ETFBKMT: variants seen among roughly 807,000 people sequenced by gnomAD.
ETFBKMT encodes electron transfer flavoprotein beta subunit lysine methyltransferase.
Under a neutral mutation model 18.3 loss-of-function variants are expected in ETFBKMT, and 13 were observed. The ratio of observed to expected loss-of-function variants is 0.71; its 90% confidence interval spans 0.46 to 1.13. The LOEUF is 1.13. Among genes scored for constraint, ETFBKMT ranks in the 50% most tolerant of loss-of-function variants. The pLI is 0.00. For missense variants in ETFBKMT, 293 were observed against 306.2 expected (o/e 0.96, Z 0.32); for synonymous variants, 84 against 107.9 (o/e 0.78, Z 1.37).
rs888571635 is a variant in ETFBKMT, at chr12:31,673,110, T to C, written c.*5120T>C. 1.3e-5 allele frequency: 2 copies of C among 152,238 alleles called. No homozygotes were observed. The highest frequency in any genetic ancestry group is 4.8e-5 in the African/African-American group (2 of 41,460). The allele number at this position is 152,238 out of a possible 1,614,324, so 9.4% of individuals were successfully genotyped here. A position where few individuals can be genotyped will look rare whatever the true frequency, so the allele number is the denominator to read the frequency against. ...ATCTGAATTAAAGCAAAAATACTGATAAAATTTTGTTAGTTTAAATATTAC... is the reference window on the plus strand; with the variant it reads ...ATCTGAATTAAAGCAAAAATACTGACAAAATTTTGTTAGTTTAAATATTAC... On this transcript the variant is annotated 3_prime_UTR_variant, in exon 4 of 4. Transcript: ENST00000357721.
chr12:31,667,368 A>G (rs1392514805), intron 3 of ETFBKMT, among the ~76,000 whole-genome samples: 1 of 152,052 alleles, frequency 6.6e-6, no homozygotes, highest in Non-Finnish European at 1.5e-5. Context: ...CAGTAAAAAA[A>G]CAAAATCTTT....
intron 1 of ETFBKMT, among the ~76,000 whole-genome samples, chr12:31,650,642 T>C (rs1054131438): frequency 6.6e-6 from 1 of 150,646 alleles, no homozygotes; most frequent in South Asian, 2.1e-4. Context: ...TTTTTTTTTT[T>C]AAAGAATCAC....
intron 1 of ETFBKMT, among the ~76,000 whole-genome samples, chr12:31,660,507 A>T (rs1951109488): frequency 6.6e-6 from 1 of 152,074 alleles, no homozygotes; most frequent in Non-Finnish European, 1.5e-5. Flanking sequence ...ATTTATTCTA[A>T]TCCGGGTGTT....
At position 31,669,403 on chromosome 12, in the gene ETFBKMT, T is replaced by C. The variant is rs2139634132; in HGVS notation, c.*1413T>C. Reference sequence around the variant, plus strand: ...TGCTTTCAGCTTTTCTTTTGTCACTTTGGTGAGACAGGAAGGCTAGAGGCA... The same window carrying C: ...TGCTTTCAGCTTTTCTTTTGTCACTCTGGTGAGACAGGAAGGCTAGAGGCA... On this transcript the variant is annotated 3_prime_UTR_variant, in exon 4 of 4. Coordinates refer to ENST00000357721, the MANE Select transcript of ETFBKMT (RefSeq NM_001135863.2). 6.6e-6 allele frequency: 1 copy of C among 152,398 alleles called. No individual in the cohort carries two copies. Among genetic ancestry groups the C allele is most frequent in the Non-Finnish European group, 1.5e-5 (1 of 68,060 alleles). The allele number at this position is 152,398 out of a possible 1,614,324, so 9.4% of individuals were successfully genotyped here.
rs10843994 is a variant in ETFBKMT, at chr12:31,670,284, G to A, written c.*2294G>A. The A allele has an allele frequency of 0.23, 35,211 of 152,106 alleles. 4,306 individuals carry two copies. The highest frequency in any genetic ancestry group is 0.27 in the Admixed American group (4,166 of 15,284). 9.4% of individuals were successfully genotyped at this position (152,106 alleles called of 1,614,324 possible). ...GTAAGCTATGGTTCTTTGTATTTGCGTTTCTAATTTGTGAGGCATTCTCTC... is the reference window on the plus strand; with the variant it reads ...GTAAGCTATGGTTCTTTGTATTTGCATTTCTAATTTGTGAGGCATTCTCTC... On this transcript the variant is annotated 3_prime_UTR_variant, in exon 4 of 4. Coordinates refer to ENST00000357721, the MANE Select transcript of ETFBKMT (RefSeq NM_001135863.2).
chr12:31,654,740 G>C (rs548127277), upstream of ETFBKMT, among the ~76,000 whole-genome samples: 3 of 152,278 alleles, frequency 2.0e-5, no homozygotes, highest in East Asian at 5.8e-4. Flanking sequence ...GCGACAGAAA[G>C]CCAAGAATGG....
At chr12:31,654,777 C>T (rs955308414), upstream of ETFBKMT, among the ~76,000 whole-genome samples, 7 of 152,028 alleles carry the variant, frequency 4.6e-5, no homozygotes, top group African/African-American at 1.2e-4. Context: ...AAGGACTGGA[C>T]GGGTGCCGTG....
At position 31,669,139 on chromosome 12, in the gene ETFBKMT, T is replaced by C. The variant is rs545664437; in HGVS notation, c.*1149T>C. The C allele has an allele frequency of 2.0e-5, 3 of 152,340 alleles. No homozygotes were observed. The highest frequency in any genetic ancestry group is 7.2e-5 in the African/African-American group (3 of 41,570). The allele number at this position is 152,340 out of a possible 1,614,324, so 9.4% of individuals were successfully genotyped here. A position where few individuals can be genotyped will look rare whatever the true frequency, so the allele number is the denominator to read the frequency against. On this transcript the variant is annotated 3_prime_UTR_variant, in exon 4 of 4. Transcript: ENST00000357721. ...CTACTGTTTGCTGTAGAGTAGATATTACAGGCTAAATTTTCCTCTAGTGTC... is the reference window on the plus strand; with the variant it reads ...CTACTGTTTGCTGTAGAGTAGATATCACAGGCTAAATTTTCCTCTAGTGTC...
chr12:31,648,841 G>A lies in ETFBKMT; in HGVS notation c.-114+1586G>A, dbSNP rs371508628. Among the ~76,000 whole-genome samples the A allele has an allele frequency of 4.0e-4, 60 of 151,800 alleles. 1 individual carries two copies. Among genetic ancestry groups the A allele is most frequent in the East Asian group, 3.5e-3 (18 of 5,138 alleles). ...CTCCCAAAGTGCTGGGATTACAGGC[G>A]TGAGCCACCGCGCCCAGCCCTGTGA... is the stretch of plus-strand genomic sequence containing the variant. On this transcript the variant is annotated intron_variant, in intron 1 of 3. Transcript: ENST00000412352.
upstream of ETFBKMT, among the ~76,000 whole-genome samples, chr12:31,657,624 T>G (rs945011489): frequency 1.3e-5 from 2 of 151,838 alleles, no homozygotes; most frequent in Non-Finnish European, 2.9e-5. Context: ...AAACCCCGTC[T>G]CTACTAAAAA....
At position 31,651,686 on chromosome 12, in the gene ETFBKMT, T is replaced by C. The variant is rs528639255; in HGVS notation, c.-114+4431T>C. On this transcript the variant is annotated intron_variant, in intron 1 of 3. Transcript: ENST00000412352. ...AACCCTTATCTCCAGAGACTGGGAA[T>C]TGATGCTACAATGGACCTATACAGA... 3.9e-4 allele frequency among the ~76,000 whole-genome samples: 60 copies of C among 152,250 alleles called. 1 individual carries two copies. Among genetic ancestry groups the C allele is most frequent in the Non-Finnish European group, 6.8e-4 (46 of 68,022 alleles).
At chr12:31,650,182 G>A (rs1208176401) in intron 1 of ETFBKMT, among the ~76,000 whole-genome samples, 4 of 148,144 alleles carry the variant, frequency 2.7e-5, no homozygotes, top group South Asian at 2.1e-4. Flanking sequence ...ATAGGAGGTC[G>A]CTGTAAAGAC....
chr12:31,664,908 C>T (rs113256090), intron 2 of ETFBKMT, among the ~76,000 whole-genome samples: 43 of 150,114 alleles, frequency 2.9e-4, no homozygotes, highest in African/African-American at 1.0e-3. Context: ...GCCACCACAC[C>T]TGGCCATTTA....
In ETFBKMT at chr12:31,668,085, A is replaced by G; in HGVS notation, c.*95A>G. ...AGATACTCTCCAGTTTAATGAATGTAATTCTTGTTAAATGGAAAATCTTGT... is the reference window on the plus strand; with the variant it reads ...AGATACTCTCCAGTTTAATGAATGTGATTCTTGTTAAATGGAAAATCTTGT... On this transcript the variant is annotated 3_prime_UTR_variant, in exon 4 of 4. Coordinates refer to ENST00000357721, the MANE Select transcript of ETFBKMT (RefSeq NM_001135863.2). 1.0e-6 allele frequency: 1 copy of G among 960,308 alleles called. No individual in the cohort carries two copies. 59.5% of individuals were successfully genotyped at this position (960,308 alleles called of 1,614,324 possible). A position where few individuals can be genotyped will look rare whatever the true frequency, so the allele number is the denominator to read the frequency against.
Position 31,666,127 on chromosome 12 carries a change from G to A in ETFBKMT, c.355G>A (p.Val119Ile). The change falls in exon 3 of 4, where the codon GTA becomes ATA. Residue 119 changes from valine (V) to isoleucine (I), a missense_variant. By Grantham distance (29) the Val-to-Ile change is conservative. Coordinates refer to ENST00000357721, the MANE Select transcript of ETFBKMT (RefSeq NM_001135863.2). ...TCCTGATGTTGTCAGAGGAAAATCTGTATTAGATCTTGGGAGTGGATGTGG... is the reference window on the plus strand; with the variant it reads ...TCCTGATGTTGTCAGAGGAAAATCTATATTAGATCTTGGGAGTGGATGTGG... ...DNPDVVRGKS[V>I]LDLGSGCGAT... The A allele has an allele frequency of 6.2e-7, 1 of 1,613,692 alleles. No homozygotes were observed. Among genetic ancestry groups the A allele is most frequent in the Admixed American group, 1.7e-5 (1 of 59,972 alleles).
intron 2 of ETFBKMT, among the ~76,000 whole-genome samples, chr12:31,663,705 G>C (rs1592136797): frequency 6.6e-6 from 1 of 152,194 alleles, no homozygotes; most frequent in South Asian, 2.1e-4. Context: ...GCTGACCTGC[G>C]AGTGGTATCA....
chr12:31,672,038 AG>A lies in ETFBKMT; in HGVS notation c.*4049del, dbSNP rs1951283353. The stretch of plus-strand genomic sequence containing the variant: ...TTTAAGAAACAGAATCCAACACCAT[AG>A]ATCAGAGTTCATGCTAGGATTATCA... On this transcript the variant is annotated 3_prime_UTR_variant, in exon 4 of 4. Transcript: ENST00000357721. 1 of 325,682 alleles carries A rather than the reference AG, an allele frequency of 3.1e-6. No individual in the cohort carries two copies. Among genetic ancestry groups the A allele is most frequent in the Non-Finnish European group, 5.6e-6 (1 of 177,612 alleles). The allele number at this position is 325,682 out of a possible 1,614,324, so 20.2% of individuals were successfully genotyped here.
Position 31,672,509 on chromosome 12 carries a change from C to T in ETFBKMT, c.*4519C>T, listed in dbSNP as rs1296614956. The stretch of plus-strand genomic sequence containing the variant: ...ATTAAAGGAGGTGATCTATAAAGCA[C>T]AATATACAACTAACTCACTAATAAT... On this transcript the variant is annotated 3_prime_UTR_variant, in exon 4 of 4. Transcript: ENST00000357721. 6.3e-6 allele frequency: 4 copies of T among 636,242 alleles called. No homozygotes were observed. Among genetic ancestry groups the T allele is most frequent in the Admixed American group, 4.9e-5 (2 of 40,798 alleles). 39.4% of individuals were successfully genotyped at this position (636,242 alleles called of 1,614,324 possible). A position where few individuals can be genotyped will look rare whatever the true frequency, so the allele number is the denominator to read the frequency against.
chr12:31,665,306 C>T (rs958175066), intron 2 of ETFBKMT, among the ~76,000 whole-genome samples: 10 of 152,086 alleles, frequency 6.6e-5, no homozygotes, highest in African/African-American at 2.4e-4. Flanking sequence ...GTGCTTCACA[C>T]CTGCTGAAGA....
Sources: allele counts gnomAD v4.1 joint callset (sites outside exome capture counted in the v4.1 genomes callset), GRCh38; gene constraint gnomAD v4.1.1; transcripts MANE v1.5; gene names NCBI Gene and HGNC (gene_info 2026-07-23, HGNC 2026-07-21).